The following LRRTM4 variants were observed in gnomAD, a reference collection of about 807,000 sequenced individuals.
LRRTM4 encodes the protein leucine rich repeat transmembrane neuronal 4.
In LRRTM4, 25 loss-of-function variants were observed where a neutral mutation model predicts 47.6. The observed-to-expected ratio is 0.53, with a 90% CI of 0.38 to 0.73. The LOEUF (loss-of-function observed/expected upper bound fraction) is 0.73. Among genes scored for constraint, LRRTM4 ranks in the 30% least tolerant of loss-of-function variants. The pLI is 0.00. For synonymous variants in LRRTM4, 311 were observed against 269.5 expected (o/e 1.15, Z -1.51); for missense variants, 638 against 713.4 (o/e 0.89, Z 1.20).
chr2:77,309,075 T>G (rs926038806), intron 3 of LRRTM4, among the ~76,000 whole-genome samples: 17 of 152,146 alleles, frequency 1.1e-4, no homozygotes, highest in African/African-American at 4.1e-4. Flanking sequence ...ATTAACCTAT[T>G]CAACAAAAAG....
At chr2:77,377,720 T>G (rs1353087890) in intron 3 of LRRTM4, among the ~76,000 whole-genome samples, 1 of 152,042 alleles carries the variant, frequency 6.6e-6, no homozygotes, top group Non-Finnish European at 1.5e-5. Flanking sequence ...TTTCTGAATC[T>G]CTGAAGATCA....
rs577955639 is a variant in LRRTM4, at chr2:77,018,869, G to T, written c.1552-269953C>A. On this transcript the variant is annotated intron_variant, in intron 3 of 3. Transcript: ENST00000409884. ...AAAGCAAGTTCTAATGAACTTTAAG[G>T]TACAGGAATATTTTAGTCTAATTTT... Among the ~76,000 whole-genome samples, 4 of 152,022 alleles carry T rather than the reference G, an allele frequency of 2.6e-5. No individual in the cohort carries two copies. The East Asian group carries it at 7.7e-4, about 29-fold the overall frequency.
chr2:76,796,989 T>C (rs1015206327), intron 3 of LRRTM4, among the ~76,000 whole-genome samples: 3 of 152,056 alleles, frequency 2.0e-5, no homozygotes, highest in East Asian at 3.9e-4. Flanking sequence ...CTACATCTGA[T>C]TGGAGTACCT....
chr2:76,946,765 C>G (rs533387846), intron 3 of LRRTM4, among the ~76,000 whole-genome samples: 21 of 151,950 alleles, frequency 1.4e-4, no homozygotes, highest in African/African-American at 4.6e-4. Context: ...GGTCTGTAAT[C>G]TTCTAAATTA....
chr2:76,797,343 G>A (rs1196803619), intron 3 of LRRTM4, among the ~76,000 whole-genome samples: 2 of 151,988 alleles, frequency 1.3e-5, no homozygotes, highest in African/African-American at 4.8e-5. Flanking sequence ...TTTCAACCCA[G>A]AATTGCATAT....
At chr2:77,295,886 G>A (rs1676960075) in intron 3 of LRRTM4, among the ~76,000 whole-genome samples, 1 of 152,132 alleles carries the variant, frequency 6.6e-6, no homozygotes, top group South Asian at 2.1e-4. Flanking sequence ...TGGACATTCT[G>A]AGGTGCAAGG....
chr2:77,463,550 A>G (rs1474987494), intron 3 of LRRTM4, among the ~76,000 whole-genome samples: 2 of 152,074 alleles, frequency 1.3e-5, no homozygotes, highest in African/African-American at 2.4e-5. Flanking sequence ...CATTTTTACA[A>G]TTGTAATTAT....
At chr2:77,295,064 T>G (rs1318731399) in intron 3 of LRRTM4, among the ~76,000 whole-genome samples, 1 of 152,176 alleles carries the variant, frequency 6.6e-6, no homozygotes, top group Non-Finnish European at 1.5e-5. Flanking sequence ...ACTGCCAGCT[T>G]TACATATTAG....
At chr2:76,807,459 C>CACATATATAT (rs1553412667) in intron 3 of LRRTM4, among the ~76,000 whole-genome samples, 1 of 85,628 alleles carries the variant, frequency 1.2e-5, no homozygotes, top group Admixed American at 1.2e-4. Flanking sequence ...TATATATATA[C>CACATATATAT]ATATATATAT....
intron 3 of LRRTM4, among the ~76,000 whole-genome samples, chr2:76,866,219 G>C (rs530322975): frequency 6.6e-6 from 1 of 152,136 alleles, no homozygotes; most frequent in African/African-American, 2.4e-5. Flanking sequence ...TGAGAGTCAC[G>C]AAACATTTCA....
rs115822685 is a variant in LRRTM4, at chr2:77,250,120, G to A, written c.1551+268198C>T. Among the ~76,000 whole-genome samples, 193 of 152,250 alleles carry A rather than the reference G, an allele frequency of 1.3e-3. 2 individuals carry two copies. The highest frequency in any genetic ancestry group is 6.0e-3 in the Admixed American group (91 of 15,268). On this transcript the variant is annotated intron_variant, in intron 3 of 3. Coordinates refer to ENST00000409884, the MANE Select transcript of LRRTM4 (RefSeq NM_001134745.3). The stretch of plus-strand genomic sequence containing the variant: ...CTACAAGATGTTTTGGAAAAAGCAA[G>A]ATTATGGAGATAGTGAAAAAAAATC...
intron 3 of LRRTM4, among the ~76,000 whole-genome samples, chr2:77,378,001 A>G (rs1672902080): frequency 6.6e-6 from 1 of 151,998 alleles, no homozygotes; most frequent in South Asian, 2.1e-4. Context: ...ATACTTTGGT[A>G]ATTTAGGTTC....
chr2:76,911,595 C>A (rs1674057800), intron 3 of LRRTM4, among the ~76,000 whole-genome samples: 1 of 151,820 alleles, frequency 6.6e-6, no homozygotes. Flanking sequence ...CTGATATGCT[C>A]ATTCTAAGAG....
At chr2:77,462,898 T>C (rs1223986258) in intron 3 of LRRTM4, among the ~76,000 whole-genome samples, 1 of 151,262 alleles carries the variant, frequency 6.6e-6, no homozygotes, top group East Asian at 1.9e-4. Context: ...TGTGTGTGTC[T>C]GTGTGTGTAG....
intron 3 of LRRTM4, among the ~76,000 whole-genome samples, chr2:77,501,704 G>T (rs999431784): frequency 6.6e-6 from 1 of 150,982 alleles, no homozygotes; most frequent in African/African-American, 2.4e-5. Context: ...AAGCTGAACG[G>T]CAAGCTCTGA....
At chr2:76,802,184 C>A (rs1675732292) in intron 3 of LRRTM4, among the ~76,000 whole-genome samples, 1 of 151,298 alleles carries the variant, frequency 6.6e-6, no homozygotes. Context: ...ATTGAATTGT[C>A]CCTATTGTCA....
chr2:77,309,386 C>T (rs1234553666), intron 3 of LRRTM4, among the ~76,000 whole-genome samples: 1 of 152,130 alleles, frequency 6.6e-6, no homozygotes, highest in Non-Finnish European at 1.5e-5. Flanking sequence ...GAAAAATTTG[C>T]AGAATATCTC....
intron 3 of LRRTM4, among the ~76,000 whole-genome samples, chr2:77,279,031 G>T (rs1676440430): frequency 6.6e-6 from 1 of 151,932 alleles, no homozygotes; most frequent in African/African-American, 2.4e-5. Context: ...GGAGATTGTT[G>T]CTAGCTACAA....
chr2:77,156,489 G>A (rs1416129641), intron 3 of LRRTM4, among the ~76,000 whole-genome samples: 1 of 151,968 alleles, frequency 6.6e-6, no homozygotes, highest in African/African-American at 2.4e-5. Context: ...GAATCAATCA[G>A]AGCTTTATGT....
Sources: allele counts gnomAD v4.1 joint callset (sites outside exome capture counted in the v4.1 genomes callset), GRCh38; gene constraint gnomAD v4.1.1; transcripts MANE v1.5; gene names NCBI Gene and HGNC (gene_info 2026-07-23, HGNC 2026-07-21).